Variants in RABGAP1L observed in about 807,000 individuals in gnomAD.
RABGAP1L encodes the protein rab GTPase-activating protein 1-like.
RABGAP1L carries 63 observed loss-of-function variants against 137.7 expected under a neutral mutation model. The ratio of observed to expected loss-of-function variants is 0.46; its 90% CI spans 0.37 to 0.56. The LOEUF is 0.56. Among genes scored for constraint, RABGAP1L ranks in the 20% least tolerant of loss-of-function variants. RABGAP1L has a pLI of 0.00. For synonymous variants in RABGAP1L, 431 were observed against 433.7 expected, an observed-to-expected ratio of 0.99 and a Z score of 0.08; for missense variants, 1,095 against 1,244.0, an observed-to-expected ratio of 0.88 and a Z score of 1.80.
intron 20 of RABGAP1L, among the ~76,000 whole-genome samples, chr1:174,960,640 GA>G (rs959999843): frequency 9.7e-4 from 143 of 146,926 alleles, no homozygotes; most frequent in African/African-American, 3.2e-3. Context: ...CATCTCCAAA[GA>G]AAAAAAAAAG....
chr1:174,847,260 TC>T (rs1406844185), intron 19 of RABGAP1L, among the ~76,000 whole-genome samples: 1 of 151,778 alleles, frequency 6.6e-6, no homozygotes, highest in African/African-American at 2.4e-5. Context: ...GTGAATTTGA[TC>T]CTGTCATTAT....
intron 13 of RABGAP1L, among the ~76,000 whole-genome samples, chr1:174,501,053 A>G (rs975666430): frequency 6.6e-6 from 1 of 152,168 alleles, no homozygotes; most frequent in African/African-American, 2.4e-5. Context: ...AAACTGAGGA[A>G]TAAGCATTTC....
At chr1:174,342,193 A>G (rs1307130198) in intron 11 of RABGAP1L, among the ~76,000 whole-genome samples, 1 of 152,152 alleles carries the variant, frequency 6.6e-6, no homozygotes, top group Non-Finnish European at 1.5e-5. Flanking sequence ...TTAACATTTT[A>G]ATCAATAACA....
chr1:174,448,420 CTA>C lies in RABGAP1L; in HGVS notation c.1710+54276_1710+54277del. The C allele has an allele frequency of 6.2e-7, 1 of 1,612,514 alleles. No individual in the cohort carries two copies. Among genetic ancestry groups the C allele is most frequent in the Middle Eastern group, 1.7e-4 (1 of 6,056 alleles). ...TGGTTCCTACTCTGTCACTTCTCCACTACTCCACAGGTGTCCACGAGTCATTG... is the reference window on the plus strand; with the variant it reads ...TGGTTCCTACTCTGTCACTTCTCCACCTCCACAGGTGTCCACGAGTCATTG... On this transcript the variant is annotated intron_variant, in intron 13 of 25. Coordinates refer to ENST00000681986, the MANE Select transcript of RABGAP1L (RefSeq NM_001366446.1). The surrounding 1 kb of genome is among the most constrained non-coding windows in gnomAD (Gnocchi z 4.2).
intron 13 of RABGAP1L, among the ~76,000 whole-genome samples, chr1:174,616,096 C>A (rs980247820): frequency 6.6e-6 from 1 of 152,216 alleles, no homozygotes. Flanking sequence ...TGTCCTGTGC[C>A]CACTGTCTGG....
At chr1:174,444,397 A>AT (rs910106729) in intron 13 of RABGAP1L, among the ~76,000 whole-genome samples, 4 of 151,482 alleles carry the variant, frequency 2.6e-5, no homozygotes, top group South Asian at 2.1e-4. Context: ...GCCTCCTATA[A>AT]TTTTTTTTGT....
At position 174,567,418 on chromosome 1, in the gene RABGAP1L, T is replaced by C. The variant is rs1173476981; in HGVS notation, c.1711-69957T>C. On this transcript the variant is annotated intron_variant, in intron 13 of 25. Coordinates refer to ENST00000681986, the MANE Select transcript of RABGAP1L (RefSeq NM_001366446.1). Reference sequence around the variant, plus strand: ...AGGTCACATTTGGGTTAGCCATTTATCTCATGCCTTATATTTTAATTTATA... The same window carrying C: ...AGGTCACATTTGGGTTAGCCATTTACCTCATGCCTTATATTTTAATTTATA... 2.6e-5 allele frequency among the ~76,000 whole-genome samples: 4 copies of C among 152,150 alleles called. No homozygotes were observed. In the East Asian group the frequency reaches 7.7e-4, roughly 29 times the overall value.
chr1:174,879,913 G>A (rs1653871337), intron 19 of RABGAP1L, among the ~76,000 whole-genome samples: 1 of 152,080 alleles, frequency 6.6e-6, no homozygotes, highest in East Asian at 1.9e-4. Context: ...CCAACATGGT[G>A]AAACCTTGTC....
rs1202240861 is a variant in RABGAP1L, at chr1:174,811,946, G to A, written c.2326G>A (p.Ala776Thr). The change falls in exon 19 of 26, where the codon GCT becomes ACT. Residue 776 changes from alanine to threonine, a missense_variant. Physicochemically the swap from Ala to Thr is moderately conservative, Grantham distance 58. This residue lies in a region of RABGAP1L where 312 missense variants were observed against 435.6 expected (regional missense o/e 0.72). Transcript: ENST00000681986. ...AAATGCAAGAAGACTGATGGAGCAG[G>A]CTTGCAATATTAAAGTAAGAACATG... ...EENARRLMEQACNIKVPTKKL... is the reference protein window; with the variant it reads ...EENARRLMEQTCNIKVPTKKL... The A allele has an allele frequency of 5.6e-6, 9 of 1,598,218 alleles. No individual in the cohort carries two copies. Among genetic ancestry groups the A allele is most frequent in the Non-Finnish European group, 7.7e-6 (9 of 1,172,782 alleles).
intron 4 of RABGAP1L, among the ~76,000 whole-genome samples, chr1:174,238,080 G>A (rs1368425102): frequency 1.3e-5 from 2 of 152,106 alleles, no homozygotes; most frequent in African/African-American, 4.8e-5. Flanking sequence ...TGAGGCTTCT[G>A]CATTATTCAC....
intron 11 of RABGAP1L, among the ~76,000 whole-genome samples, chr1:174,328,772 A>C (rs1479392818): frequency 2.0e-5 from 3 of 152,164 alleles, no homozygotes; most frequent in Non-Finnish European, 1.5e-5. Flanking sequence ...TCCATCTCTA[A>C]ATAAATATAT....
intron 15 of RABGAP1L, among the ~76,000 whole-genome samples, chr1:174,688,558 C>T (rs1013512945): frequency 6.6e-6 from 1 of 152,120 alleles, no homozygotes; most frequent in East Asian, 1.9e-4. Context: ...TGCTCCTAGA[C>T]GTACCTTAGT....
intron 3 of RABGAP1L, among the ~76,000 whole-genome samples, chr1:174,223,264 TAAAAAAAAAAAAA>T (rs550034492): frequency 1.8e-4 from 7 of 39,848 alleles, no homozygotes; most frequent in East Asian, 2.5e-3. Context: ...AGACTCTGTC[TAAAAAAAAAAAAA>T]AAAAAAAAAA....
At chr1:174,586,523 G>T (rs937344629) in intron 13 of RABGAP1L, among the ~76,000 whole-genome samples, 1 of 151,766 alleles carries the variant, frequency 6.6e-6, no homozygotes, top group Non-Finnish European at 1.5e-5. Flanking sequence ...TGCACATCCT[G>T]CACATGTACC....
At chr1:174,560,734 A>T (rs1247412737) in intron 13 of RABGAP1L, among the ~76,000 whole-genome samples, 1 of 152,034 alleles carries the variant, frequency 6.6e-6, no homozygotes, top group Non-Finnish European at 1.5e-5. Flanking sequence ...CCCTTCTAGT[A>T]GTCCTTAGTG....
Position 174,241,674 on chromosome 1 carries a change from A to G in RABGAP1L, c.717+17A>G, listed in dbSNP as rs1425482679. 1.3e-5 allele frequency: 21 copies of G among 1,577,652 alleles called. No homozygotes were observed. The highest frequency in any genetic ancestry group is 1.6e-5 in the Non-Finnish European group (18 of 1,157,080). ...AAAGAGGCAGTAAGTATAATATAGTATAGCAATTTGCTATAGAGATGAATT... is the reference window on the plus strand; with the variant it reads ...AAAGAGGCAGTAAGTATAATATAGTGTAGCAATTTGCTATAGAGATGAATT... On this transcript the variant is annotated intron_variant, in intron 5 of 25. Transcript: ENST00000681986.
chr1:174,780,111 TA>T (rs773845277), intron 18 of RABGAP1L, among the ~76,000 whole-genome samples: 14,799 of 145,782 alleles, frequency 0.1, 971 homozygotes, highest in Middle Eastern at 0.18. Flanking sequence ...AATAAATAAA[TA>T]AATAAATTAA....
chr1:174,618,025 C>A (rs1012280488), intron 13 of RABGAP1L, among the ~76,000 whole-genome samples: 3 of 152,226 alleles, frequency 2.0e-5, no homozygotes, highest in Non-Finnish European at 4.4e-5. Context: ...GGTCCTATGC[C>A]CACGGAGCCT....
chr1:174,193,070 C>T (rs1208124872), intron 1 of RABGAP1L, among the ~76,000 whole-genome samples: 2 of 152,120 alleles, frequency 1.3e-5, no homozygotes, highest in African/African-American at 4.8e-5. Flanking sequence ...GACTAAAATG[C>T]CCAGAACTTT....
Sources: gnomAD v4.1 joint callset for allele counts (sites outside exome capture counted in the v4.1 genomes callset) on GRCh38, gnomAD v4.1.1 for gene constraint, gnomAD v4.1.1 regional missense constraint, Gnocchi (gnomAD v3.1) non-coding constraint, MANE v1.5 for transcripts, NCBI Gene and HGNC (gene_info 2026-07-23, HGNC 2026-07-21) for gene names.